The following RGS7 variants were observed in gnomAD, a reference collection of about 807,000 sequenced individuals.
RGS7 encodes regulator of G-protein signaling 7.
A neutral mutation model predicts 81.1 loss-of-function variants in RGS7; 27 were observed. The observed-to-expected ratio is 0.33, with a 90% CI of 0.25 to 0.46. The LOEUF (loss-of-function observed/expected upper bound fraction) is 0.46. Ranked by LOEUF, RGS7 falls within the 20% of genes least tolerant of loss-of-function variation. The pLI is 1.00. For synonymous variants in RGS7, 208 were observed against 207.7 expected, an observed-to-expected ratio of 1.00 and a Z score of -0.01; for missense variants, 396 against 607.4, an observed-to-expected ratio of 0.65 and a Z score of 3.66.
chr1:240,777,533 G>A (rs958796928), intron 18 of RGS7, among the ~76,000 whole-genome samples: 3 of 152,148 alleles, frequency 2.0e-5, no homozygotes, highest in African/African-American at 7.2e-5. Context: ...CAGCGGTGAT[G>A]GGAGATACAT....
At chr1:241,029,137 C>A (rs1053308883) in intron 3 of RGS7, among the ~76,000 whole-genome samples, 1 of 148,630 alleles carries the variant, frequency 6.7e-6, no homozygotes. Context: ...AAAAGAAAAA[C>A]AAAACAAAAA....
intron 2 of RGS7, among the ~76,000 whole-genome samples, chr1:241,226,158 T>C (rs1227622602): frequency 6.6e-6 from 1 of 152,116 alleles, no homozygotes; most frequent in African/African-American, 2.4e-5. Flanking sequence ...AAAACAACAT[T>C]GGCCAAAGAA....
At chr1:241,301,367 G>A (rs531480913) in intron 2 of RGS7, among the ~76,000 whole-genome samples, 1 of 152,206 alleles carries the variant, frequency 6.6e-6, no homozygotes, top group African/African-American at 2.4e-5. Flanking sequence ...TCCCTGCTTA[G>A]GTCATGACAC....
rs147514267 is a variant in RGS7, at chr1:240,945,050, C to T, written c.227-8344G>A. ...TTAGAGCTGGCATCTGTAAATGCAG[C>T]GGGGATCACTAAAGACTTTTTAGTT... On this transcript the variant is annotated intron_variant, in intron 4 of 18. Transcript: ENST00000440928. 4.6e-5 allele frequency among the ~76,000 whole-genome samples: 7 copies of T among 152,302 alleles called. No homozygotes were observed. The East Asian group carries it at 1.2e-3, about 25-fold the overall frequency.
intron 3 of RGS7, among the ~76,000 whole-genome samples, chr1:241,039,533 A>G (rs1240152527): frequency 6.6e-6 from 1 of 151,870 alleles, no homozygotes; most frequent in Non-Finnish European, 1.5e-5. Context: ...TAGATTTAGA[A>G]GAGATTGGTC....
intron 2 of RGS7, among the ~76,000 whole-genome samples, chr1:241,293,849 T>C (rs980197669): frequency 2.0e-5 from 3 of 152,160 alleles, no homozygotes; most frequent in African/African-American, 7.2e-5. Context: ...GGTGGGAGTG[T>C]AAATTAGTTC....
intron 2 of RGS7, among the ~76,000 whole-genome samples, chr1:241,180,830 C>T (rs2071557507): frequency 6.6e-6 from 1 of 152,202 alleles, no homozygotes; most frequent in Non-Finnish European, 1.5e-5. Flanking sequence ...CTGTCATTCA[C>T]TATTTGTGTG....
At chr1:241,123,085 G>A (rs183678237) in intron 2 of RGS7, among the ~76,000 whole-genome samples, 1 of 152,258 alleles carries the variant, frequency 6.6e-6, no homozygotes, top group East Asian at 1.9e-4. Flanking sequence ...CAAGTGCTCA[G>A]GAACCCTAGA....
chr1:241,061,319 C>A (rs1377487655), intron 3 of RGS7, among the ~76,000 whole-genome samples: 2 of 152,108 alleles, frequency 1.3e-5, no homozygotes, highest in Non-Finnish European at 2.9e-5. Context: ...GCTGTGTTAT[C>A]CAACAGGCAG....
At chr1:240,925,481 T>A (rs766333246) in intron 6 of RGS7, among the ~76,000 whole-genome samples, 36 of 152,198 alleles carry the variant, frequency 2.4e-4, no homozygotes, top group Admixed American at 1.5e-3. Flanking sequence ...GGCTGTGTAG[T>A]ATTCCACGGT....
At chr1:240,925,063 T>C (rs139001461) in intron 6 of RGS7, among the ~76,000 whole-genome samples, 43 of 152,284 alleles carry the variant, frequency 2.8e-4, no homozygotes, top group African/African-American at 8.7e-4. Flanking sequence ...GATTCAACCC[T>C]TGAAAGGAGC....
chr1:241,273,185 C>CCA (rs1553305838), intron 2 of RGS7, among the ~76,000 whole-genome samples: 5 of 133,468 alleles, frequency 3.7e-5, no homozygotes, highest in East Asian at 5.4e-4. Context: ...ACCCCCCCCC[C>CCA]CAAAGGATAC....
intron 3 of RGS7, among the ~76,000 whole-genome samples, chr1:241,089,960 C>T (rs2502424): frequency 0.2 from 28,514 of 145,850 alleles, 3,256 homozygotes; most frequent in African/African-American, 0.3. Context: ...CGCCACTGCA[C>T]TCCAGCCTGG....
At chr1:240,839,412 G>T (rs1282634948) in intron 9 of RGS7, among the ~76,000 whole-genome samples, 1 of 152,182 alleles carries the variant, frequency 6.6e-6, no homozygotes, top group African/African-American at 2.4e-5. Context: ...GTTTTGGATA[G>T]AATTAGACTT....
At chr1:240,892,763 G>A (rs563503231) in intron 6 of RGS7, among the ~76,000 whole-genome samples, 23 of 152,136 alleles carry the variant, frequency 1.5e-4, no homozygotes, top group African/African-American at 5.1e-4. Context: ...TCCATGAGCC[G>A]TGTTCTGTTT....
chr1:241,081,859 T>C (rs2063151021), intron 3 of RGS7, among the ~76,000 whole-genome samples: 1 of 152,254 alleles, frequency 6.6e-6, no homozygotes, highest in African/African-American at 2.4e-5. Context: ...ATTTATTTAC[T>C]GCTTTTGGCC....
intron 2 of RGS7, among the ~76,000 whole-genome samples, chr1:241,229,484 C>T (rs972849606): frequency 6.6e-6 from 1 of 152,258 alleles, no homozygotes; most frequent in African/African-American, 2.4e-5. Context: ...CCTCCACACT[C>T]CAGTCATCCG....
At chr1:241,130,855 T>G (rs1429977531) in intron 2 of RGS7, among the ~76,000 whole-genome samples, 2 of 151,598 alleles carry the variant, frequency 1.3e-5, no homozygotes, top group African/African-American at 4.9e-5. Context: ...CTCCTTTCTC[T>G]GTCCTATCCA....
intron 2 of RGS7, among the ~76,000 whole-genome samples, chr1:241,200,144 A>G (rs1359905144): frequency 6.6e-6 from 1 of 152,224 alleles, no homozygotes; most frequent in Non-Finnish European, 1.5e-5. Flanking sequence ...GTGAAAATAA[A>G]TTATACCCCA....
Sources: allele counts gnomAD v4.1 joint callset (sites outside exome capture counted in the v4.1 genomes callset), GRCh38; gene constraint gnomAD v4.1.1; transcripts MANE v1.5; gene names NCBI Gene and HGNC (gene_info 2026-07-23, HGNC 2026-07-21).